The following CEP192 variants were observed in gnomAD, a reference collection of about 807,000 sequenced individuals.
CEP192 encodes the protein centrosomal protein of 192 kDa.
A neutral mutation model predicts 271.8 loss-of-function variants in CEP192; 151 were observed. The observed-to-expected ratio is 0.56, with a 90% confidence interval of 0.49 to 0.64. The LOEUF is 0.64. Ranked by LOEUF, CEP192 falls within the 30% of genes least tolerant of loss-of-function variation. The pLI is 0.00. For missense variants in CEP192, 2,910 were observed against 3,020.5 expected, an observed-to-expected ratio of 0.96 and a Z score of 0.86; for synonymous variants, 995 against 1,076.5, an observed-to-expected ratio of 0.92 and a Z score of 1.48.
rs1023068110 is a variant in CEP192, at chr18:13,018,179, A to G, written c.790-301A>G. On this transcript the variant is annotated intron_variant, in intron 7 of 44. Transcript: ENST00000506447. The stretch of plus-strand genomic sequence containing the variant: ...ATACTGTTTTTGATAATTTTGGCTA[A>G]GGTGATGTCAGCTGGATGTCTCCTT... Among the ~76,000 whole-genome samples, 14 of 152,272 alleles carry G rather than the reference A, an allele frequency of 9.2e-5. No individual in the cohort carries two copies. In the East Asian group the frequency reaches 2.7e-3, roughly 29 times the overall value.
intron 1 of CEP192, among the ~76,000 whole-genome samples, chr18:12,992,267 A>G (rs2032910755): frequency 6.6e-6 from 1 of 152,224 alleles, no homozygotes; most frequent in Admixed American, 6.5e-5. Flanking sequence ...GCAAGCCTTG[A>G]ACAATAATAT....
chr18:13,109,081 A>G (rs528558024), intron 40 of CEP192, among the ~76,000 whole-genome samples: 97 of 152,166 alleles, frequency 6.4e-4, no homozygotes, highest in Non-Finnish European at 1.1e-3. Context: ...TTCTACTAAA[A>G]AGATACATGC....
chr18:13,015,220 C>A (rs1280235300), intron 5 of CEP192, 108 bp from the exon 6 acceptor site: 3 of 997,362 alleles, frequency 3.0e-6, no homozygotes, highest in Non-Finnish European at 4.3e-6. Context: ...TTTACAGATA[C>A]TGAACACAGT....
rs541109253 is a variant in CEP192 at position 13,075,458 on chromosome 18, C to T, written c.5616+2273C>T. Among the ~76,000 whole-genome samples the T allele has an allele frequency of 2.0e-5, 3 of 152,158 alleles. No homozygotes were observed. In the East Asian group the frequency reaches 5.8e-4, roughly 29 times the overall value. ...GCACACACCTGTAGTCCCAGCTACT[C>T]GGGAGGCTGAGGCAGGAGAATCGCT... On this transcript the variant is annotated intron_variant, in intron 30 of 44. Transcript: ENST00000506447.
Position 13,105,001 on chromosome 18 carries a change from A to G in CEP192, c.6969A>G (p.Gly2323=). The change falls in exon 40 of 45, where the codon GGA becomes GGG. Residue 2323 remains glycine (G), a synonymous_variant. Transcript: ENST00000506447. ...PPYVKGVDES[G]DVFRATYAAF... The stretch of plus-strand genomic sequence containing the variant: ...CTTTGCAGGGAGTTGATGAAAGTGG[A>G]GATGTTTTTAGAGCTACCTATGCAG... The G allele has an allele frequency of 6.2e-7, 1 of 1,613,192 alleles. No homozygotes were observed. The highest frequency in any genetic ancestry group is 2.2e-5 in the East Asian group (1 of 44,888).
At chr18:13,096,020 C>T (rs2039381229) in intron 35 of CEP192, among the ~76,000 whole-genome samples, 164 bp from the exon 36 acceptor site, 1 of 152,126 alleles carries the variant, frequency 6.6e-6, no homozygotes. Context: ...ATTCCTTTTT[C>T]CTCTTTGTTT....
chr18:13,103,935 C>G (rs1336060302), intron 39 of CEP192: 8 of 454,992 alleles, frequency 1.8e-5, no homozygotes, highest in Non-Finnish European at 3.1e-5. Flanking sequence ...AGCAATCTTC[C>G]CACCTCAGCC....
At chr18:13,001,145 T>C (rs1444122692) in intron 2 of CEP192, among the ~76,000 whole-genome samples, 1 of 152,218 alleles carries the variant, frequency 6.6e-6, no homozygotes, top group African/African-American at 2.4e-5. Flanking sequence ...CTGGCCACTT[T>C]CTTGTCTTTT....
chr18:13,064,758 G>A (rs944390855), intron 21 of CEP192, among the ~76,000 whole-genome samples: 3 of 152,092 alleles, frequency 2.0e-5, no homozygotes. Context: ...TTTGAAGTTA[G>A]GTAATGTGAT....
intron 29 of CEP192, 56 bp from the exon 30 acceptor site, chr18:13,072,953 A>G: frequency 6.4e-7 from 1 of 1,555,532 alleles, no homozygotes; most frequent in Non-Finnish European, 8.8e-7. Flanking sequence ...TGTTAATGGT[A>G]TGTTTTATTT....
chr18:13,118,052 AC>A (rs1456142089), intron 44 of CEP192, among the ~76,000 whole-genome samples: 1 of 152,130 alleles, frequency 6.6e-6, no homozygotes, highest in Non-Finnish European at 1.5e-5. Context: ...AATTGGGAAA[AC>A]TTTTATTGTG....
At chr18:13,035,357 G>T (rs939316386) in intron 11 of CEP192, among the ~76,000 whole-genome samples, 18 of 152,180 alleles carry the variant, frequency 1.2e-4, no homozygotes, top group African/African-American at 4.3e-4. Context: ...GTTCCACGTG[G>T]CTAGGGAAGC....
intron 1 of CEP192, among the ~76,000 whole-genome samples, chr18:12,992,182 G>C (rs2032904294): frequency 6.6e-6 from 1 of 152,052 alleles, no homozygotes; most frequent in Non-Finnish European, 1.5e-5. Context: ...TTACTATTTT[G>C]AGGTCATTCG....
At chr18:13,069,627 GA>G in intron 26 of CEP192, 110 bp from the exon 27 acceptor site, 1 of 691,892 alleles carries the variant, frequency 1.4e-6, no homozygotes, top group Non-Finnish European at 2.6e-6. Flanking sequence ...ACAAGAAGGG[GA>G]CAAACAACCT....
Position 13,049,370 on chromosome 18 carries a change from C to T in CEP192, c.2579C>T (p.Thr860Ile). 1 of 1,614,068 alleles carries T rather than the reference C, an allele frequency of 6.2e-7. No homozygotes were observed. Among genetic ancestry groups the T allele is most frequent in the Non-Finnish European group, 8.5e-7 (1 of 1,180,002 alleles). ...AGTGAGAATCAAGAGTCATTTAGAA[C>T]CATAAACTCCTCAAATTCAGTTACA... Reference protein sequence around the residue: ...GESENQESFRTINSSNSVTNR... With the variant: ...GESENQESFRIINSSNSVTNR... The change falls in exon 16 of 45, where the codon ACC becomes ATC. Residue 860 changes from threonine (T) to isoleucine (I), a missense_variant. Coordinates refer to ENST00000506447, the MANE Select transcript of CEP192 (RefSeq NM_032142.4).
chr18:13,031,724 C>T (rs905695968), intron 11 of CEP192, among the ~76,000 whole-genome samples: 1 of 152,168 alleles, frequency 6.6e-6, no homozygotes, highest in African/African-American at 2.4e-5. Flanking sequence ...ATGCAGTACA[C>T]AGTCATCGGC....
In CEP192 at chr18:13,114,130, A is replaced by G; in HGVS notation, c.7168A>G (p.Ser2390Gly). ...GTTACCCTGTGATTTTTCTGTATAG[A>G]GCATCGAAGCAGAAAATGAGCCTGA... Reference protein sequence around the residue: ...HTLRFQLSGQSIEAENEPENA... With the variant: ...HTLRFQLSGQGIEAENEPENA... Residue 2390 changes from serine (S) to glycine (G), a missense_variant and splice_region_variant, in exon 42 of 45, where the codon AGC becomes GGC. Transcript: ENST00000506447. The G allele has an allele frequency of 6.2e-7, 1 of 1,613,136 alleles. No individual in the cohort carries two copies. Among genetic ancestry groups the G allele is most frequent in the Non-Finnish European group, 8.5e-7 (1 of 1,179,750 alleles).
chr18:13,097,231 T>TTTAGCAGGG (rs2039443375), intron 36 of CEP192, among the ~76,000 whole-genome samples: 1 of 152,080 alleles, frequency 6.6e-6, no homozygotes, highest in Non-Finnish European at 1.5e-5. Flanking sequence ...GCCCCATGGG[T>TTTAGCAGGG]TTAGCAGGGG....
intron 30 of CEP192, among the ~76,000 whole-genome samples, chr18:13,076,129 T>C (rs1159396593): frequency 6.6e-6 from 1 of 152,248 alleles, no homozygotes; most frequent in East Asian, 1.9e-4. Flanking sequence ...CAAAGAATCA[T>C]ACAGCTCAAC....
Sources: allele counts gnomAD v4.1 joint callset (sites outside exome capture counted in the v4.1 genomes callset), GRCh38; gene constraint gnomAD v4.1.1; transcripts MANE v1.5; gene names NCBI Gene and HGNC (gene_info 2026-07-23, HGNC 2026-07-21).